STPG2: variants seen among roughly 807,000 people sequenced by gnomAD.
STPG2 encodes the protein sperm-tail PG-rich repeat-containing protein 2.
STPG2 carries 56 observed loss-of-function variants against 54.2 expected under a neutral mutation model. The ratio of observed to expected loss-of-function variants is 1.03; its 90% CI spans 0.83 to 1.29. The LOEUF (loss-of-function observed/expected upper bound fraction) is 1.29, where lower values mean the gene tolerates loss of function less well. Among genes scored for constraint, STPG2 ranks in the 50% most tolerant of loss-of-function variants. The pLI, the probability that STPG2 is intolerant of heterozygous loss-of-function variation, is 0.00. For missense variants in STPG2, 596 were observed against 544.9 expected (o/e 1.09, Z -0.93); for synonymous variants, 200 against 181.8 (o/e 1.10, Z -0.81).
chr4:97,568,028 G>C (rs941857331), intron 10 of STPG2, among the ~76,000 whole-genome samples: 1 of 152,122 alleles, frequency 6.6e-6, no homozygotes, highest in Non-Finnish European at 1.5e-5. Context: ...AAGCACAGCA[G>C]TGTTTTTCAT....
At chr4:98,016,569 C>T (rs1735953132) in intron 5 of STPG2, among the ~76,000 whole-genome samples, 1 of 152,074 alleles carries the variant, frequency 6.6e-6, no homozygotes. Context: ...TTTTTTAGTT[C>T]AGTCATTGTG....
intron 10 of STPG2, among the ~76,000 whole-genome samples, chr4:97,639,123 A>T (rs1241696549): frequency 2.6e-5 from 4 of 152,116 alleles, no homozygotes; most frequent in Non-Finnish European, 4.4e-5. Flanking sequence ...AGACTGGCTT[A>T]AGAAAATGTG....
At chr4:98,063,956 A>G (rs7442077) in intron 5 of STPG2, among the ~76,000 whole-genome samples, 2 of 152,072 alleles carry the variant, frequency 1.3e-5, no homozygotes, top group African/African-American at 2.4e-5. Context: ...CAAAAAAAAG[A>G]CAAGTAGAAG....
intron 10 of STPG2, among the ~76,000 whole-genome samples, chr4:97,599,200 T>C (rs1309522181): frequency 6.6e-6 from 1 of 152,038 alleles, no homozygotes; most frequent in Non-Finnish European, 1.5e-5. Flanking sequence ...TAAACCACCA[T>C]CTCACACCAG....
At chr4:97,483,250 A>G (rs1017693183) in intron 4 of STPG2, among the ~76,000 whole-genome samples, 5 of 151,826 alleles carry the variant, frequency 3.3e-5, no homozygotes, top group African/African-American at 1.2e-4. Flanking sequence ...TTCAATACAC[A>G]TGGCATAAAT....
At chr4:97,837,170 A>G (rs1728658973) in intron 9 of STPG2, among the ~76,000 whole-genome samples, 1 of 151,658 alleles carries the variant, frequency 6.6e-6, no homozygotes, top group South Asian at 2.1e-4. Flanking sequence ...AGTTTTTATT[A>G]CTTTTTTAAT....
At chr4:98,051,204 A>G (rs1186964466) in intron 5 of STPG2, among the ~76,000 whole-genome samples, 4 of 152,182 alleles carry the variant, frequency 2.6e-5, no homozygotes, top group Non-Finnish European at 5.9e-5. Context: ...TGCCAAAGTT[A>G]AAATTAATTC....
At chr4:97,828,313 G>GA (rs1376258321) in intron 9 of STPG2, among the ~76,000 whole-genome samples, 2 of 152,262 alleles carry the variant, frequency 1.3e-5, no homozygotes, top group African/African-American at 4.8e-5. Context: ...GAACTCAAGG[G>GA]AAGCCATGAG....
intron 10 of STPG2, among the ~76,000 whole-genome samples, chr4:97,662,996 T>G (rs183287572): frequency 6.6e-6 from 1 of 152,272 alleles, no homozygotes; most frequent in Non-Finnish European, 1.5e-5. Context: ...GAAGAAAAAT[T>G]TATCTTTTAT....
intron 9 of STPG2, among the ~76,000 whole-genome samples, chr4:97,771,899 T>C (rs1361753333): frequency 1.3e-5 from 2 of 152,110 alleles, no homozygotes; most frequent in South Asian, 2.1e-4. Context: ...TGGTCTATAT[T>C]GAAAGGGCAG....
chr4:97,626,170 C>A (rs1309148103), intron 10 of STPG2, among the ~76,000 whole-genome samples: 7 of 152,018 alleles, frequency 4.6e-5, no homozygotes, highest in Non-Finnish European at 1.0e-4. Context: ...TATTTATTGT[C>A]AAGAAAAATA....
chr4:97,494,163 G>C (rs1730560385), intron 4 of STPG2, among the ~76,000 whole-genome samples: 1 of 151,514 alleles, frequency 6.6e-6, no homozygotes, highest in Non-Finnish European at 1.5e-5. Flanking sequence ...TTGGTATCTA[G>C]AAAACCTATG....
chr4:97,596,331 T>G (rs1733293150), intron 10 of STPG2, among the ~76,000 whole-genome samples: 1 of 152,074 alleles, frequency 6.6e-6, no homozygotes, highest in African/African-American at 2.4e-5. Flanking sequence ...CTGACACCAT[T>G]AGACAGATCA....
intron 5 of STPG2, among the ~76,000 whole-genome samples, chr4:98,023,828 C>T (rs867134156): frequency 6.5e-4 from 99 of 151,518 alleles, no homozygotes; most frequent in Middle Eastern, 6.8e-3. Context: ...TAGGACCCTC[C>T]GAGCCATGTG....
intron 4 of STPG2, among the ~76,000 whole-genome samples, chr4:97,453,465 C>T (rs1729430397): frequency 6.6e-6 from 1 of 152,160 alleles, no homozygotes. Context: ...CCCAGCGGGC[C>T]TGAGCAAAAC....
chr4:97,609,020 G>A (rs1733663226), intron 10 of STPG2, among the ~76,000 whole-genome samples: 1 of 151,850 alleles, frequency 6.6e-6, no homozygotes, highest in African/African-American at 2.4e-5. Flanking sequence ...ATCTGTTTAG[G>A]TTTGCAAATA....
At chr4:97,558,848 A>C (rs1458751629), downstream of STPG2, 1 of 516,328 alleles carries the variant, frequency 1.9e-6, no homozygotes, top group Non-Finnish European at 3.4e-6. Context: ...ACAGATAAAT[A>C]ATACAATATG....
chr4:97,793,341 T>G (rs1297969490), intron 9 of STPG2, among the ~76,000 whole-genome samples: 2 of 148,458 alleles, frequency 1.3e-5, no homozygotes, highest in Non-Finnish European at 3.0e-5. Context: ...AAGCAGGGAT[T>G]TATATATATA....
chr4:97,635,497 C>A (rs1398325725), intron 10 of STPG2, among the ~76,000 whole-genome samples: 2 of 152,134 alleles, frequency 1.3e-5, no homozygotes, highest in African/African-American at 4.8e-5. Flanking sequence ...ACCCTATTAA[C>A]TTTAAATGTA....
Sources: gnomAD v4.1 joint callset for allele counts (sites outside exome capture counted in the v4.1 genomes callset) on GRCh38, gnomAD v4.1.1 for gene constraint, MANE v1.5 for transcripts, NCBI Gene and HGNC (gene_info 2026-07-23, HGNC 2026-07-21) for gene names.